QDPR: variants seen among roughly 807,000 people sequenced by gnomAD.
QDPR encodes the protein quinoid dihydropteridine reductase, also known as dihydropteridine reductase.
Under a neutral mutation model 31.7 loss-of-function variants are expected in QDPR, and 23 were observed. That is an observed-to-expected ratio of 0.73 (90% confidence interval 0.52 to 1.03). QDPR has a LOEUF of 1.03. Ranked by LOEUF, QDPR falls within the 50% of genes least tolerant of loss-of-function variation. The pLI is 0.00. For synonymous variants in QDPR, 124 were observed against 124.7 expected (o/e 0.99, Z 0.03); for missense variants, 324 against 323.8 (o/e 1.00, Z 0.00).
chr4:17,490,769 G>A (rs373126093), intron 5 of QDPR, 24 bp from the exon 6 acceptor site: 149 of 1,583,322 alleles, frequency 9.4e-5, no homozygotes, highest in Non-Finnish European at 8.6e-5. Context: ...AGATAAGCAC[G>A]TCATTCATGT....
chr4:17,504,260 G>A, intron 3 of QDPR, 119 bp downstream of exon 3: 3 of 829,238 alleles, frequency 3.6e-6, no homozygotes, highest in South Asian at 1.4e-5. Flanking sequence ...CCGAGCAACT[G>A]TAAAGATTCC....
At chr4:17,503,992 AG>A (rs1315565819) in intron 3 of QDPR, among the ~76,000 whole-genome samples, 1 of 152,052 alleles carries the variant, frequency 6.6e-6, no homozygotes, top group Non-Finnish European at 1.5e-5. Context: ...AGGGAAGGGA[AG>A]GGAAAAGAAA....
In QDPR at chr4:17,501,745, G is replaced by A; in HGVS notation, c.410C>T (p.Ala137Val). 1.9e-6 allele frequency: 3 copies of A among 1,614,150 alleles called. No homozygotes were observed. The highest frequency in any genetic ancestry group is 2.5e-6 in the Non-Finnish European group (3 of 1,180,040). ...KEGGLLTLAG[A>V]KAALDGTPGM... ...AGGAGTCCCATCCAGGGCAGCCTTTGCGCCAGCCAAGGTCAGGAGGCCTCC... is the reference window on the plus strand; with the variant it reads ...AGGAGTCCCATCCAGGGCAGCCTTTACGCCAGCCAAGGTCAGGAGGCCTCC... The change falls in exon 4 of 7, where the codon GCA becomes GTA. Residue 137 changes from alanine to valine, a missense_variant. Transcript: ENST00000281243.
At chr4:17,501,884 C>A in intron 3 of QDPR, 25 bp from the exon 4 acceptor site, 6 of 1,613,740 alleles carry the variant, frequency 3.7e-6, no homozygotes, top group Non-Finnish European at 5.1e-6. Context: ...CATGTGGGCT[C>A]AGCATTCCCA....
At chr4:17,500,007 G>A (rs1718504741) in intron 4 of QDPR, among the ~76,000 whole-genome samples, 1 of 151,676 alleles carries the variant, frequency 6.6e-6, no homozygotes, top group African/African-American at 2.4e-5. Context: ...CTTTTGAGAG[G>A]GAGTCTTGCT....
chr4:17,501,998 A>G (rs939537960), intron 3 of QDPR, 139 bp from the exon 4 acceptor site: 2 of 994,804 alleles, frequency 2.0e-6, no homozygotes, highest in African/African-American at 3.2e-5. Context: ...TAACACAAAC[A>G]GCACAGGGCT....
At chr4:17,499,866 C>T (rs1718497489) in intron 4 of QDPR, among the ~76,000 whole-genome samples, 1 of 152,140 alleles carries the variant, frequency 6.6e-6, no homozygotes, top group African/African-American at 2.4e-5. Flanking sequence ...CTACAGTGAG[C>T]TAGATCATAC....
chr4:17,489,148 G>A (rs1311349355), intron 6 of QDPR, among the ~76,000 whole-genome samples: 1 of 152,252 alleles, frequency 6.6e-6, no homozygotes, highest in Non-Finnish European at 1.5e-5. Flanking sequence ...ATAGGTGAGT[G>A]AGAACGCCAT....
intron 4 of QDPR, among the ~76,000 whole-genome samples, chr4:17,497,307 T>C (rs1718397889): frequency 6.6e-6 from 1 of 152,154 alleles, no homozygotes; most frequent in Admixed American, 6.5e-5. Context: ...TAAAAACTAA[T>C]ACAGTGCCTT....
At chr4:17,510,898 G>A (rs1718982011) in intron 1 of QDPR, among the ~76,000 whole-genome samples, 1 of 152,054 alleles carries the variant, frequency 6.6e-6, no homozygotes, top group Admixed American at 6.5e-5. Flanking sequence ...GGAAGGGAGT[G>A]GTGTGACTGA....
At chr4:17,497,012 G>C (rs1718384464) in intron 4 of QDPR, among the ~76,000 whole-genome samples, 1 of 152,126 alleles carries the variant, frequency 6.6e-6, no homozygotes, top group Admixed American at 6.6e-5. Context: ...GCCTCCCAAA[G>C]TGCTGGGATT....
At chr4:17,489,574 C>T (rs923732106) in intron 6 of QDPR, among the ~76,000 whole-genome samples, 5 of 152,136 alleles carry the variant, frequency 3.3e-5, no homozygotes, top group South Asian at 2.1e-4. Context: ...TGTCAGATCC[C>T]GGCTGTGCTG....
At chr4:17,509,469 G>T in intron 1 of QDPR, 106 bp from the exon 2 acceptor site, 1 of 971,696 alleles carries the variant, frequency 1.0e-6, no homozygotes, top group Non-Finnish European at 1.6e-6. Flanking sequence ...GTTCACGTCT[G>T]TAATGCCAGC....
intron 2 of QDPR, among the ~76,000 whole-genome samples, chr4:17,507,776 G>T (rs1410141341): frequency 6.6e-6 from 1 of 151,962 alleles, no homozygotes; most frequent in African/African-American, 2.4e-5. Context: ...GCTAATTTTT[G>T]TATTTTTAGT....
chr4:17,495,904 T>C (rs543401207), intron 4 of QDPR, among the ~76,000 whole-genome samples: 2 of 151,544 alleles, frequency 1.3e-5, no homozygotes, highest in Non-Finnish European at 2.9e-5. Context: ...AGCTACCCGG[T>C]AGGCTGAGGT....
intron 5 of QDPR, 36 bp downstream of exon 5, chr4:17,492,196 G>C (rs759113256): frequency 3.8e-6 from 6 of 1,565,264 alleles, no homozygotes; most frequent in Non-Finnish European, 4.4e-6. Flanking sequence ...CAGTGGGGCA[G>C]AGGTGGGCAG....
At chr4:17,508,234 C>T (rs1308078189) in intron 2 of QDPR, among the ~76,000 whole-genome samples, 2 of 152,046 alleles carry the variant, frequency 1.3e-5, no homozygotes, top group East Asian at 1.9e-4. Flanking sequence ...GTCAGAAGTT[C>T]GAGACCAGCC....
rs3822231 is a variant in QDPR at position 17,487,282 on chromosome 4, T to A, written c.630-46A>T. The A allele has an allele frequency of 0.044, 64,505 of 1,463,034 alleles. 1,626 individuals are homozygous for A. The highest frequency in any genetic ancestry group is 0.071 in the East Asian group (3,090 of 43,774). 90.6% of individuals were successfully genotyped at this position (1,463,034 alleles called of 1,614,324 possible). A position where few individuals can be genotyped will look rare whatever the true frequency, so the allele number is the denominator to read the frequency against. On this transcript the variant is annotated intron_variant, in intron 6 of 6. Transcript: ENST00000281243. Reference sequence around the variant, plus strand: ...TTTTTTTATATTCTCAAAGCAAAAATCTGGGCACATGCTGACCTTCACAGT... The same window carrying A: ...TTTTTTTATATTCTCAAAGCAAAAAACTGGGCACATGCTGACCTTCACAGT...
At chr4:17,502,537 A>G (rs1718608293) in intron 3 of QDPR, among the ~76,000 whole-genome samples, 1 of 152,124 alleles carries the variant, frequency 6.6e-6, no homozygotes, top group Non-Finnish European at 1.5e-5. Context: ...CCCCACTAAA[A>G]AAGACTAGGA....
Sources: gnomAD v4.1 joint callset for allele counts (sites outside exome capture counted in the v4.1 genomes callset) on GRCh38, gnomAD v4.1.1 for gene constraint, MANE v1.5 for transcripts, NCBI Gene and HGNC (gene_info 2026-07-23, HGNC 2026-07-21) for gene names.